DPP3: variants seen among roughly 807,000 people sequenced by gnomAD.
DPP3 encodes DPP III.
DPP3 carries 64 observed loss-of-function variants against 89.8 expected under a neutral mutation model. The observed-to-expected ratio is 0.71, with a 90% confidence interval of 0.58 to 0.88. The LOEUF is 0.88. Among genes scored for constraint, DPP3 ranks in the 40% least tolerant of loss-of-function variants. DPP3 has a pLI of 0.00. For missense variants in DPP3, 835 were observed against 972.5 expected, an observed-to-expected ratio of 0.86 and a Z score of 1.88; for synonymous variants, 377 against 404.3, an observed-to-expected ratio of 0.93 and a Z score of 0.81.
rs1260555938 is a variant in DPP3, at chr11:66,487,911, T to G, written c.574-3T>G. 2 of 1,613,792 alleles carry G rather than the reference T, an allele frequency of 1.2e-6. No homozygotes were observed. The highest frequency in any genetic ancestry group is 1.7e-6 in the Non-Finnish European group (2 of 1,179,884). ...TCTTAACCCCTGTCCTGGTCTCTTC[T>G]AGAACCTCAGTGCCTACAACACCCG... On this transcript the variant is annotated splice_region_variant and splice_polypyrimidine_tract_variant and intron_variant, in intron 5 of 17. Transcript: ENST00000531863.
chr11:66,480,564 TCTCCAGTACCCC>T (rs1282458762), intron 1 of DPP3, 99 bp downstream of exon 1: 1 of 1,325,922 alleles, frequency 7.5e-7, no homozygotes, highest in Non-Finnish European at 9.9e-7. Flanking sequence ...TTCTGCCCAC[TCTCCAGTACCCC>T]CTCCAAATTC....
chr11:66,486,794 G>A, intron 4 of DPP3, 117 bp downstream of exon 4: 1 of 1,282,712 alleles, frequency 7.8e-7, no homozygotes, highest in African/African-American at 1.5e-5. Context: ...ACACTCCTGA[G>A]GCAATGCTGC....
At position 66,509,110 on chromosome 11, in the gene DPP3, G is replaced by A. The variant is rs773769229; in HGVS notation, c.2073G>A (p.Ala691=). The change falls in exon 18 of 18, where the codon GCG becomes GCA. Residue 691 remains alanine, a synonymous_variant. Coordinates refer to ENST00000531863, the MANE Select transcript of DPP3 (RefSeq NM_130443.4). ...ACGTGCAGCTTCTGGAATACGAGGC[G>A]TCAGCTGCTGGCCTCATCCGATCCT... The part of the protein sequence containing the change: ...GSDVQLLEYE[A]SAAGLIRSFS... 25 of 1,614,082 alleles carry A rather than the reference G, an allele frequency of 1.5e-5. No homozygotes were observed. The highest frequency in any genetic ancestry group is 1.4e-4 in the South Asian group (13 of 91,078).
intron 16 of DPP3, among the ~76,000 whole-genome samples, chr11:66,498,727 A>C (rs952662373): frequency 6.6e-6 from 1 of 152,172 alleles, no homozygotes; most frequent in Non-Finnish European, 1.5e-5. Flanking sequence ...TACACCAATA[A>C]AACTGCTCAG....
rs1855442182 is a variant in DPP3 at position 66,493,158 on chromosome 11, C to T, written c.1275C>T (p.Thr425=). ...ACGCCACGCAGCGGGAGAAGCTTAC[C>T]TTTCTGGAGGAGGATGACAAGGTGG... ...VAYATQREKL[T]FLEEDDKDLY... Residue 425 remains threonine, a synonymous_variant, in exon 11 of 18, where the codon ACC becomes ACT. Transcript: ENST00000531863. The T allele has an allele frequency of 1.2e-6, 2 of 1,613,934 alleles. No homozygotes were observed. The highest frequency in any genetic ancestry group is 1.7e-5 in the Admixed American group (1 of 60,022).
intron 16 of DPP3, among the ~76,000 whole-genome samples, chr11:66,500,375 C>CT (rs574013130): frequency 6.6e-6 from 1 of 152,046 alleles, no homozygotes; most frequent in African/African-American, 2.4e-5. Flanking sequence ...AAAGAAGAAA[C>CT]TTTTTTTAAA....
At chr11:66,484,563 G>T (rs1855170865) in intron 2 of DPP3, among the ~76,000 whole-genome samples, 1 of 152,110 alleles carries the variant, frequency 6.6e-6, no homozygotes, top group Non-Finnish European at 1.5e-5. Context: ...TCTTATGCCA[G>T]CTTGAGCCTT....
At position 66,491,571 on chromosome 11, in the gene DPP3, C is replaced by T. The variant is rs1012174175; in HGVS notation, c.876C>T (p.Ala292=). ...GCTTCACCCAGGGCTCCATCGAGGC[C>T]CACAAGAGGGGCTCCCGCTTCTGGA... ...IESFTQGSIE[A]HKRGSRFWIQ... is the part of the protein sequence containing the mutation. Residue 292 remains alanine, a synonymous_variant, in exon 8 of 18, where the codon GCC becomes GCT. Coordinates refer to ENST00000531863, the MANE Select transcript of DPP3 (RefSeq NM_130443.4). 4 of 1,613,804 alleles carry T rather than the reference C, an allele frequency of 2.5e-6. No homozygotes were observed. The highest frequency in any genetic ancestry group is 3.3e-5 in the Admixed American group (2 of 59,984).
At chr11:66,487,100 G>C (rs1043043613) in intron 4 of DPP3, among the ~76,000 whole-genome samples, 168 bp from the exon 5 acceptor site, 11 of 152,118 alleles carry the variant, frequency 7.2e-5, no homozygotes, top group African/African-American at 2.7e-4. Flanking sequence ...CAACACTGGA[G>C]ATGAGCATGT....
chr11:66,485,120 T>G (rs1855187419), intron 2 of DPP3, 53 bp from the exon 3 acceptor site: 1 of 1,547,352 alleles, frequency 6.5e-7, no homozygotes, highest in Admixed American at 1.7e-5. Flanking sequence ...GAGGTGTCGC[T>G]GGGGTCAGGG....
chr11:66,499,018 AAAAG>A (rs1855614638), intron 16 of DPP3, among the ~76,000 whole-genome samples: 1 of 152,206 alleles, frequency 6.6e-6, no homozygotes, highest in Non-Finnish European at 1.5e-5. Context: ...CTCTAAAAGA[AAAAG>A]AAAAGATAAC....
At position 66,491,487 on chromosome 11, in the gene DPP3, A is replaced by G; in HGVS notation, c.799-7A>G. The G allele has an allele frequency of 6.3e-7, 1 of 1,598,472 alleles. No homozygotes were observed. The highest frequency in any genetic ancestry group is 1.1e-5 in the South Asian group (1 of 90,132). On this transcript the variant is annotated splice_region_variant and splice_polypyrimidine_tract_variant and intron_variant, in intron 7 of 17. Transcript: ENST00000531863. ...GCCCGAGGCTGACCGACCCCCGCTCACCTCAGGCCTATGCAGCCAACAGCC... is the reference window on the plus strand; with the variant it reads ...GCCCGAGGCTGACCGACCCCCGCTCGCCTCAGGCCTATGCAGCCAACAGCC...
intron 11 of DPP3, 45 bp from the exon 12 acceptor site, chr11:66,493,496 C>T: frequency 6.3e-7 from 1 of 1,596,212 alleles, no homozygotes; most frequent in South Asian, 1.1e-5. Context: ...GCTGTATAGC[C>T]AGGGCTGGCC....
chr11:66,498,737 G>A (rs1373950907), intron 16 of DPP3, among the ~76,000 whole-genome samples: 1 of 152,212 alleles, frequency 6.6e-6, no homozygotes, highest in Non-Finnish European at 1.5e-5. Flanking sequence ...AAACTGCTCA[G>A]TTTCCCTGGC....
intron 2 of DPP3, 92 bp downstream of exon 2, chr11:66,482,562 G>A: frequency 1.3e-6 from 2 of 1,531,650 alleles, no homozygotes; most frequent in African/African-American, 1.4e-5. Flanking sequence ...AGGGGTAGGT[G>A]GAGGATTAGA....
chr11:66,491,186 A>G, intron 6 of DPP3, 67 bp from the exon 7 acceptor site: 1 of 1,601,650 alleles, frequency 6.2e-7, no homozygotes, highest in South Asian at 1.1e-5. Context: ...TGTCTTACTC[A>G]GGCCTTTTCT....
intron 15 of DPP3, 22 bp from the exon 16 acceptor site, chr11:66,497,275 CT>C: frequency 6.2e-7 from 1 of 1,607,940 alleles, no homozygotes; most frequent in South Asian, 1.1e-5. Flanking sequence ...GCTACAAATG[CT>C]GTCTTTCCCC....
intron 3 of DPP3, among the ~76,000 whole-genome samples, chr11:66,486,167 T>G (rs925244199): frequency 3.9e-5 from 6 of 152,178 alleles, no homozygotes; most frequent in African/African-American, 1.4e-4. Context: ...GGTCTTGAAC[T>G]CCTGGGCTCA....
At chr11:66,487,869 C>A in intron 5 of DPP3, 45 bp from the exon 6 acceptor site, 1 of 1,579,776 alleles carries the variant, frequency 6.3e-7, no homozygotes, top group Non-Finnish European at 8.7e-7. Context: ...CACCCCACTG[C>A]CCTCTCCAGA....
Sources: gnomAD v4.1 joint callset for allele counts (sites outside exome capture counted in the v4.1 genomes callset) on GRCh38, gnomAD v4.1.1 for gene constraint, MANE v1.5 for transcripts, NCBI Gene and HGNC (gene_info 2026-07-23, HGNC 2026-07-21) for gene names.